Variants in AGBL1 observed in about 807,000 individuals in gnomAD.
AGBL1 encodes cytosolic carboxypeptidase 4.
AGBL1 carries 130 observed loss-of-function variants against 118.9 expected under a neutral mutation model. The ratio of observed to expected loss-of-function variants is 1.09; its 90% CI spans 0.95 to 1.26. The LOEUF is 1.26. Among genes scored for constraint, AGBL1 ranks in the 50% most tolerant of loss-of-function variants. AGBL1 has a pLI of 0.00. For missense variants in AGBL1, 1,584 were observed against 1,298.1 expected (o/e 1.22, Z -3.38); for synonymous variants, 555 against 478.9 (o/e 1.16, Z -2.08).
chr15:86,357,761 A>G (rs2060060), intron 17 of AGBL1, among the ~76,000 whole-genome samples: 70,913 of 151,966 alleles, frequency 0.47, 17,342 homozygotes, highest in Middle Eastern at 0.57. Context: ...TTCCAATCTG[A>G]ATCTTTCCAT....
At chr15:86,372,677 A>G (rs1165849752) in intron 17 of AGBL1, among the ~76,000 whole-genome samples, 1 of 152,212 alleles carries the variant, frequency 6.6e-6, no homozygotes, top group Non-Finnish European at 1.5e-5. Flanking sequence ...CTACCTCTAC[A>G]ATGTCACCTG....
At chr15:86,965,948 C>A (rs1246735019) in intron 23 of AGBL1, among the ~76,000 whole-genome samples, 1 of 151,982 alleles carries the variant, frequency 6.6e-6, no homozygotes, top group South Asian at 2.1e-4. Flanking sequence ...CATGTGTATA[C>A]CTATGTAACA....
intron 18 of AGBL1, among the ~76,000 whole-genome samples, chr15:86,485,140 C>T (rs1030729855): frequency 2.6e-5 from 4 of 152,108 alleles, no homozygotes; most frequent in Admixed American, 1.3e-4. Context: ...TCTGCTAAGC[C>T]GTCGCTACTT....
intron 21 of AGBL1, among the ~76,000 whole-genome samples, chr15:86,649,317 A>C (rs2085332888): frequency 6.6e-6 from 1 of 152,178 alleles, no homozygotes; most frequent in African/African-American, 2.4e-5. Flanking sequence ...ATTGGAAGTA[A>C]GATCATTGAG....
At chr15:86,733,574 A>AT (rs2077555954) in intron 22 of AGBL1, among the ~76,000 whole-genome samples, 1 of 152,228 alleles carries the variant, frequency 6.6e-6, no homozygotes, top group Non-Finnish European at 1.5e-5. Context: ...TAATATAAGC[A>AT]TTAACTACTA....
intron 21 of AGBL1, among the ~76,000 whole-genome samples, chr15:86,657,994 G>A (rs910352813): frequency 1.3e-5 from 2 of 151,534 alleles, no homozygotes; most frequent in African/African-American, 4.9e-5. Context: ...TGTTGTAAGA[G>A]TTAAAATATA....
intron 21 of AGBL1, among the ~76,000 whole-genome samples, chr15:86,592,580 T>G (rs996470796): frequency 5.9e-5 from 9 of 152,324 alleles, no homozygotes; most frequent in Admixed American, 3.3e-4. Flanking sequence ...GTGTGTGCAG[T>G]GTGTTTACTG....
chr15:86,498,367 G>A (rs915721875), intron 18 of AGBL1, among the ~76,000 whole-genome samples: 2 of 151,828 alleles, frequency 1.3e-5, no homozygotes, highest in African/African-American at 4.8e-5. Flanking sequence ...CTGGTACAGA[G>A]GTTGCACCAT....
chr15:86,210,892 A>G (rs2141885575), intron 5 of AGBL1, among the ~76,000 whole-genome samples: 1 of 152,218 alleles, frequency 6.6e-6, no homozygotes, highest in Admixed American at 6.5e-5. Context: ...GAAGGAGAAA[A>G]GGCACTCTGG....
intron 1 of AGBL1, among the ~76,000 whole-genome samples, chr15:86,124,404 C>T (rs116504692): frequency 0.03 from 4,522 of 150,870 alleles, 93 homozygotes; most frequent in Middle Eastern, 0.08. Flanking sequence ...CAATAATGTA[C>T]CAATGTCAGT....
intron 22 of AGBL1, among the ~76,000 whole-genome samples, chr15:86,746,226 A>G (rs1351118627): frequency 3.9e-5 from 6 of 152,150 alleles, no homozygotes; most frequent in East Asian, 1.9e-4. Flanking sequence ...CCTTCTTCAC[A>G]TGACTTATGC....
At chr15:86,273,492 A>G (rs2079194709) in intron 15 of AGBL1, among the ~76,000 whole-genome samples, 1 of 152,230 alleles carries the variant, frequency 6.6e-6, no homozygotes, top group South Asian at 2.1e-4. Context: ...ATGTAACAAC[A>G]GGGTAGATAT....
chr15:86,549,472 A>G (rs1464526032), intron 20 of AGBL1, among the ~76,000 whole-genome samples: 1 of 152,170 alleles, frequency 6.6e-6, no homozygotes, highest in Admixed American at 6.5e-5. Context: ...TGCAGAAGAA[A>G]AAAGAAAGAA....
chr15:86,698,068 A>G (rs181204265), intron 22 of AGBL1, among the ~76,000 whole-genome samples: 2 of 152,124 alleles, frequency 1.3e-5, no homozygotes, highest in Admixed American at 1.3e-4. Context: ...TGCTCTGCCC[A>G]TATGAGTTGG....
rs1242046410 is a variant in AGBL1 at position 86,247,722 on chromosome 15, G to T, written c.578G>T (p.Gly193Val). Residue 193 changes from glycine to valine, a missense_variant, in exon 7 of 23, where the codon GGG (glycine) becomes GTG (valine). Transcript: ENST00000614907. ...CGAGGCTACGTCACCAGCCTGCTCG[G>T]GCTGCACCAGGACTGGCACAGCCAT... Reference protein sequence around the residue: ...VNRGYVTSLLGLHQDWHSHDT... With the variant: ...VNRGYVTSLLVLHQDWHSHDT... 5 of 1,613,500 alleles carry T rather than the reference G, an allele frequency of 3.1e-6. No individual in the cohort carries two copies. Among genetic ancestry groups the T allele is most frequent in the Non-Finnish European group, 4.2e-6 (5 of 1,179,716 alleles).
At chr15:86,481,799 G>T (rs550883599) in intron 18 of AGBL1, among the ~76,000 whole-genome samples, 21 of 152,198 alleles carry the variant, frequency 1.4e-4, no homozygotes, top group Middle Eastern at 3.4e-3. Flanking sequence ...CGGTCACCTG[G>T]TTTGTTGTTC....
chr15:86,246,526 T>C (rs369629111), intron 6 of AGBL1, among the ~76,000 whole-genome samples: 20 of 152,282 alleles, frequency 1.3e-4, no homozygotes, highest in African/African-American at 4.3e-4. Context: ...TTCACATGAC[T>C]CTGGTGTTGT....
intron 17 of AGBL1, among the ~76,000 whole-genome samples, chr15:86,358,948 A>C (rs934341237): frequency 7.3e-5 from 11 of 151,426 alleles, no homozygotes; most frequent in African/African-American, 2.7e-4. Flanking sequence ...TATGATTTGC[A>C]AGTATTTTTT....
chr15:86,777,282 C>T lies in AGBL1; in HGVS notation c.3158+102846C>T, dbSNP rs546734999. On this transcript the variant is annotated intron_variant, in intron 22 of 22. Transcript: ENST00000614907. ...CATCCAGGTTAAAATATTGACATTT[C>T]GTTAATATTTATAATTACTTACTGG... Among the ~76,000 whole-genome samples, 41 of 151,922 alleles carry T rather than the reference C, an allele frequency of 2.7e-4. 1 individual carries two copies. The highest frequency in any genetic ancestry group is 7.2e-4 in the African/African-American group (30 of 41,488).
Sources: gnomAD v4.1 joint callset for allele counts (sites outside exome capture counted in the v4.1 genomes callset) on GRCh38, gnomAD v4.1.1 for gene constraint, MANE v1.5 for transcripts, NCBI Gene and HGNC (gene_info 2026-07-23, HGNC 2026-07-21) for gene names.